LEMD1: variants seen among roughly 807,000 people sequenced by gnomAD.
The protein encoded by LEMD1 is LEM domain containing 1.
LEMD1 carries 18 observed loss-of-function variants against 17.4 expected under a neutral mutation model. That is an observed-to-expected ratio of 1.04 (90% CI 0.72 to 1.54). The LOEUF (loss-of-function observed/expected upper bound fraction) is 1.54, where lower values mean the gene tolerates loss of function less well. LEMD1 is among the 40% of genes most tolerant of loss of function. The probability of loss-of-function intolerance (pLI) is 0.00; values close to 1 mark genes in which losing one functional copy is unlikely to be tolerated. For synonymous variants in LEMD1, 88 were observed against 77.8 expected, an observed-to-expected ratio of 1.13 and a Z score of -0.69; for missense variants, 195 against 210.4, an observed-to-expected ratio of 0.93 and a Z score of 0.45.
chr1:205,431,809 C>T (rs1229932453), intron 1 of LEMD1, among the ~76,000 whole-genome samples: 8 of 152,076 alleles, frequency 5.3e-5, no homozygotes, highest in East Asian at 1.9e-4. Flanking sequence ...CTCCGCCTCC[C>T]GGGTTCAAGA....
chr1:205,411,487 C>T (rs1665427179), intron 4 of LEMD1, among the ~76,000 whole-genome samples: 1 of 147,240 alleles, frequency 6.8e-6, no homozygotes, highest in Admixed American at 6.9e-5. Context: ...ACCCGGGAGG[C>T]GGAGCTTGCA....
rs1666296688 is a variant in LEMD1, at chr1:205,441,729, GCT to G, written c.-39+8137_-39+8138del. On this transcript the variant is annotated intron_variant, in intron 1 of 3. Transcript: ENST00000367154. This position sits in a 1 kb window ranked among gnomAD's most constrained non-coding sequence, Gnocchi z 4.3. ...CAAAGAGGGTTCTTTTAGCCAACAG[GCT>G]CTTTTATTTAGCACCTATGCTGGGC... 6.6e-6 allele frequency among the ~76,000 whole-genome samples: 1 copy of G among 152,192 alleles called. No individual in the cohort carries two copies. Among genetic ancestry groups the G allele is most frequent in the Non-Finnish European group, 1.5e-5 (1 of 68,040 alleles).
intron 2 of LEMD1, 86 bp from the exon 3 acceptor site, chr1:205,419,438 T>C: frequency 6.9e-7 from 1 of 1,456,722 alleles, no homozygotes; most frequent in Non-Finnish European, 9.5e-7. Context: ...TAACTCAGAA[T>C]TTTATTCTTA....
At chr1:205,402,367 CTTT>C (rs1664893082) in intron 4 of LEMD1, among the ~76,000 whole-genome samples, 1 of 152,138 alleles carries the variant, frequency 6.6e-6, no homozygotes, top group African/African-American at 2.4e-5. Context: ...TTTGTATCCT[CTTT>C]TATTTCATTG....
At chr1:205,434,231 C>T (rs1666169293) in intron 1 of LEMD1, among the ~76,000 whole-genome samples, 1 of 151,150 alleles carries the variant, frequency 6.6e-6, no homozygotes, top group Non-Finnish European at 1.5e-5. Flanking sequence ...TGCTCTGTTG[C>T]CCAGGCTGGA....
At chr1:205,415,845 A>G (rs1046863803) in intron 4 of LEMD1, among the ~76,000 whole-genome samples, 1 of 152,196 alleles carries the variant, frequency 6.6e-6, no homozygotes, top group Non-Finnish European at 1.5e-5. Flanking sequence ...GGTAGAAGCC[A>G]GATGTTAGGG....
chr1:205,397,703 G>T (rs771743653), intron 4 of LEMD1, among the ~76,000 whole-genome samples: 2 of 152,134 alleles, frequency 1.3e-5, no homozygotes, highest in Non-Finnish European at 2.9e-5. Flanking sequence ...TAACTCAAGG[G>T]TGCTCATATG....
In LEMD1 at chr1:205,393,631, G is replaced by A. The variant is rs139129124; in HGVS notation, c.271-9267C>T. ...GCAGAGGTTGCAGTGAGCCGAGATC[G>A]TGCCACTGCACTCCAGACTGGGTGA... is the stretch of plus-strand genomic sequence containing the variant. On this transcript the variant is annotated intron_variant, in intron 4 of 5. Transcript: ENST00000367153. 2.6e-4 allele frequency among the ~76,000 whole-genome samples: 40 copies of A among 151,670 alleles called. 2 individuals are homozygous for A. The East Asian group carries it at 7.8e-3, about 29-fold the overall frequency.
rs990560494 is a variant in LEMD1, at chr1:205,381,518, G to A, written c.*140C>T. 4 of 794,180 alleles carry A rather than the reference G, an allele frequency of 5.0e-6. No homozygotes were observed. The highest frequency in any genetic ancestry group is 1.6e-5 in the South Asian group (1 of 61,234). The allele number at this position is 794,180 out of a possible 1,614,324, so 49.2% of individuals were successfully genotyped here. A position where few individuals can be genotyped will look rare whatever the true frequency, so the allele number is the denominator to read the frequency against. On this transcript the variant is annotated 3_prime_UTR_variant, in exon 6 of 6. Transcript: ENST00000367153. ...TTCCACCTGGCTGAGCCCAGACACC[G>A]ATCTGTGAGAGCAGCACAGTGCAAG...
chr1:205,449,468 C>T (rs2102477574), intron 1 of LEMD1, among the ~76,000 whole-genome samples: 1 of 152,204 alleles, frequency 6.6e-6, no homozygotes, highest in African/African-American at 2.4e-5. Flanking sequence ...CCTCTCCCAC[C>T]CCAACTGTAC....
chr1:205,422,409 T>C (rs529067460), upstream of LEMD1, among the ~76,000 whole-genome samples: 47 of 152,230 alleles, frequency 3.1e-4, no homozygotes, highest in African/African-American at 1.1e-3. Flanking sequence ...GACCATCTAC[T>C]CCAGGGAAAA....
At chr1:205,414,189 C>T (rs1489806717) in intron 4 of LEMD1, among the ~76,000 whole-genome samples, 4 of 152,002 alleles carry the variant, frequency 2.6e-5, no homozygotes, top group Admixed American at 1.3e-4. Flanking sequence ...AGTCTCTGGA[C>T]AAGTCAGTAA....
intron 4 of LEMD1, among the ~76,000 whole-genome samples, chr1:205,407,604 T>C (rs541046648): frequency 6.4e-4 from 98 of 152,264 alleles, no homozygotes; most frequent in African/African-American, 2.2e-3. Context: ...ATCTCTCCCA[T>C]TGGCTGTTTC....
At chr1:205,398,346 G>A (rs1379702275) in intron 4 of LEMD1, among the ~76,000 whole-genome samples, 1 of 152,188 alleles carries the variant, frequency 6.6e-6, no homozygotes. Context: ...CTTAATGGTA[G>A]TCCTTTAATA....
chr1:205,420,682 T>G, intron 1 of LEMD1, 108 bp from the exon 2 acceptor site: 1 of 638,042 alleles, frequency 1.6e-6, no homozygotes. Context: ...ACCTCCTAGG[T>G]GCACAGGCAA....
At chr1:205,401,241 T>G (rs1664837267) in intron 4 of LEMD1, among the ~76,000 whole-genome samples, 1 of 152,206 alleles carries the variant, frequency 6.6e-6, no homozygotes. Context: ...CAAATGGTAT[T>G]TCTAGTCCTA....
At chr1:205,386,255 A>C (rs1216154310) in intron 4 of LEMD1, 1 of 151,320 alleles carries the variant, frequency 6.6e-6, no homozygotes, top group African/African-American at 2.4e-5. Flanking sequence ...CAGGTCACCA[A>C]TGATGGAACA....
chr1:205,405,521 A>C (rs9729427), intron 4 of LEMD1, among the ~76,000 whole-genome samples: 18,727 of 109,714 alleles, frequency 0.17, 2,324 homozygotes, highest in African/African-American at 0.22. Flanking sequence ...GCATTCTTCA[A>C]GTAGTTCTTG....
chr1:205,398,847 T>C (rs1019630655), intron 4 of LEMD1, among the ~76,000 whole-genome samples: 1 of 152,174 alleles, frequency 6.6e-6, no homozygotes, highest in Non-Finnish European at 1.5e-5. Flanking sequence ...TGTTCCGTGG[T>C]CACGGACATA....
Sources: allele counts gnomAD v4.1 joint callset (sites outside exome capture counted in the v4.1 genomes callset), GRCh38; gene constraint gnomAD v4.1.1; non-coding constraint Gnocchi (gnomAD v3.1); transcripts MANE v1.5; gene names NCBI Gene and HGNC (gene_info 2026-07-23, HGNC 2026-07-21).